ITGA11: variants seen among roughly 807,000 people sequenced by gnomAD.
The protein encoded by ITGA11 is integrin alpha-11.
In ITGA11, 97 loss-of-function variants were observed where a neutral mutation model predicts 141.9. That is an observed-to-expected ratio of 0.68 (90% CI 0.58 to 0.81). The LOEUF (loss-of-function observed/expected upper bound fraction) is 0.81, where lower values mean the gene tolerates loss of function less well. ITGA11 is among the 30% of genes least tolerant of loss of function. The pLI, the probability that ITGA11 is intolerant of heterozygous loss-of-function variation, is 0.00. For missense variants in ITGA11, 1,387 were observed against 1,559.2 expected, an observed-to-expected ratio of 0.89 and a Z score of 1.86; for synonymous variants, 658 against 624.6, an observed-to-expected ratio of 1.05 and a Z score of -0.80.
intron 1 of ITGA11, among the ~76,000 whole-genome samples, chr15:68,406,239 C>T (rs1896649127): frequency 6.6e-6 from 1 of 152,156 alleles, no homozygotes; most frequent in South Asian, 2.1e-4. Flanking sequence ...CCCCTCAGCT[C>T]CATCCCCTGT....
intron 24 of ITGA11, among the ~76,000 whole-genome samples, chr15:68,311,732 AG>A (rs1451055755): frequency 6.6e-6 from 1 of 152,220 alleles, no homozygotes; most frequent in African/African-American, 2.4e-5. Context: ...TGTTGAGGCC[AG>A]GGGTGAAGAT....
chr15:68,369,930 G>C (rs1230167436), intron 2 of ITGA11, among the ~76,000 whole-genome samples: 1 of 152,232 alleles, frequency 6.6e-6, no homozygotes, highest in Non-Finnish European at 1.5e-5. Flanking sequence ...GATTATCTGG[G>C]TGGACCCTAA....
rs75644302 is a variant in ITGA11, at chr15:68,380,627, G to A, written c.165-11343C>T. Among the ~76,000 whole-genome samples the A allele has an allele frequency of 2.3e-3, 356 of 152,288 alleles. 2 individuals carry two copies. Among genetic ancestry groups the A allele is most frequent in the African/African-American group, 8.3e-3 (344 of 41,554 alleles). ...CTGGAGGGGGCAACTCCTGGACAGA[G>A]GCTTGCATAATGAATAGGTGTCACT... On this transcript the variant is annotated intron_variant, in intron 2 of 29. Coordinates refer to ENST00000315757, the MANE Select transcript of ITGA11 (RefSeq NM_001004439.2).
At chr15:68,343,013 CTCTCTCTCTCTCTCT>C (rs1212285641) in intron 10 of ITGA11, among the ~76,000 whole-genome samples, 9 of 146,484 alleles carry the variant, frequency 6.1e-5, no homozygotes, top group Non-Finnish European at 1.4e-4. Flanking sequence ...CTCTCTCTCT[CTCTCTCTCTCTCTCT>C]CTCTCTCTCT....
At position 68,313,828 on chromosome 15, in the gene ITGA11, C is replaced by T; in HGVS notation, c.2833G>A (p.Ala945Thr). The T allele has an allele frequency of 6.2e-7, 1 of 1,613,978 alleles. No individual in the cohort carries two copies. The highest frequency in any genetic ancestry group is 8.5e-7 in the Non-Finnish European group (1 of 1,179,870). The change falls in exon 23 of 30, where the codon GCC becomes ACC. Residue 945 changes from alanine (A) to threonine (T), a missense_variant. Ala to Thr is a moderately conservative substitution (Grantham distance 58). Transcript: ENST00000315757. The stretch of plus-strand genomic sequence containing the variant: ...TATTTGAGGTGGAAGCGTAAGGGGG[C>T]CACGTTGTCTTCCTTGGTGCTGTCC... The part of the protein sequence containing the change: ...ERDSTKEDNV[A>T]PLRFHLKYEA...
intron 22 of ITGA11, among the ~76,000 whole-genome samples, chr15:68,314,721 G>C (rs932436051): frequency 3.9e-5 from 6 of 152,174 alleles, no homozygotes; most frequent in African/African-American, 1.2e-4. Flanking sequence ...AGCAAGGGAG[G>C]CCTTGCCAAG....
intron 2 of ITGA11, among the ~76,000 whole-genome samples, chr15:68,375,052 T>A (rs1448849673): frequency 6.6e-6 from 1 of 152,190 alleles, no homozygotes; most frequent in Non-Finnish European, 1.5e-5. Context: ...GTGCTCTTTT[T>A]TTCATTGTGA....
intron 10 of ITGA11, among the ~76,000 whole-genome samples, chr15:68,347,921 T>TACAC (rs59472483): frequency 2.6e-5 from 4 of 151,086 alleles, no homozygotes; most frequent in South Asian, 2.1e-4. Flanking sequence ...AGAACACACA[T>TACAC]ACACACACAC....
At chr15:68,374,505 G>A (rs1396970210) in intron 2 of ITGA11, among the ~76,000 whole-genome samples, 5 of 152,268 alleles carry the variant, frequency 3.3e-5, no homozygotes, top group Middle Eastern at 3.4e-3. Flanking sequence ...ACTAGTACAC[G>A]GTGTCCTGAC....
At chr15:68,409,227 C>T (rs1404382011) in intron 1 of ITGA11, among the ~76,000 whole-genome samples, 1 of 152,144 alleles carries the variant, frequency 6.6e-6, no homozygotes, top group Non-Finnish European at 1.5e-5. Flanking sequence ...GGGCCTTCAG[C>T]GTGGGCTGCT....
chr15:68,350,033 G>A (rs1343120082), intron 9 of ITGA11, among the ~76,000 whole-genome samples: 2 of 152,182 alleles, frequency 1.3e-5, no homozygotes, highest in Non-Finnish European at 1.5e-5. Flanking sequence ...ATGCTCCCAA[G>A]CTGTGAGAAC....
intron 1 of ITGA11, among the ~76,000 whole-genome samples, chr15:68,421,713 G>A (rs1897022029): frequency 7.3e-6 from 1 of 137,778 alleles, no homozygotes; most frequent in African/African-American, 2.6e-5. Flanking sequence ...GGTGGGGGGT[G>A]GGGGTGAGGG....
At chr15:68,317,544 G>C (rs1337147185) in intron 20 of ITGA11, among the ~76,000 whole-genome samples, 181 bp from the exon 21 acceptor site, 1 of 151,930 alleles carries the variant, frequency 6.6e-6, no homozygotes, top group East Asian at 1.9e-4. Context: ...CCAGAGGCCA[G>C]GGTGTGTCTT....
chr15:68,326,943 C>T lies in ITGA11; in HGVS notation c.2069-147G>A, dbSNP rs981173062. ...CCCCAGTGTGGGTGAGAAACTCCCA[C>T]ATGGAGAGCAAGTGATTGCATGAGG... On this transcript the variant is annotated intron_variant, in intron 16 of 29. Transcript: ENST00000315757. This position sits in a 1 kb window ranked among gnomAD's most constrained non-coding sequence, Gnocchi z 6.8. The T allele has an allele frequency of 2.5e-6, 2 of 800,856 alleles. No individual in the cohort carries two copies. The highest frequency in any genetic ancestry group is 3.8e-6 in the Non-Finnish European group (2 of 520,266). 49.6% of individuals were successfully genotyped at this position (800,856 alleles called of 1,614,324 possible). A position where few individuals can be genotyped will look rare whatever the true frequency, so the allele number is the denominator to read the frequency against.
At chr15:68,314,570 A>C (rs1476061975) in intron 22 of ITGA11, among the ~76,000 whole-genome samples, 1 of 152,230 alleles carries the variant, frequency 6.6e-6, no homozygotes, top group Non-Finnish European at 1.5e-5. Flanking sequence ...GACCCAACAC[A>C]CACAGATGTG....
At chr15:68,400,639 ATAT>A (rs1229475031) in intron 2 of ITGA11, among the ~76,000 whole-genome samples, 17 of 63,888 alleles carry the variant, frequency 2.7e-4, no homozygotes, top group African/African-American at 8.8e-4. Flanking sequence ...AAATATTATA[ATAT>A]TATATATTAT....
At chr15:68,360,172 G>A (rs1429947501) in intron 5 of ITGA11, among the ~76,000 whole-genome samples, 1 of 152,184 alleles carries the variant, frequency 6.6e-6, no homozygotes, top group Non-Finnish European at 1.5e-5. Context: ...GTCCTTTTCT[G>A]GTTTAGTTCG....
At chr15:68,420,771 A>G (rs968568131) in intron 1 of ITGA11, among the ~76,000 whole-genome samples, 5 of 152,246 alleles carry the variant, frequency 3.3e-5, no homozygotes, top group Non-Finnish European at 5.9e-5. Flanking sequence ...AAGTAAACTC[A>G]ACAGACAAAA....
chr15:68,391,176 C>T (rs1367288065), intron 2 of ITGA11, among the ~76,000 whole-genome samples: 1 of 152,122 alleles, frequency 6.6e-6, no homozygotes, highest in Non-Finnish European at 1.5e-5. Context: ...CCAGTGTGCT[C>T]CTGTCCATTC....
Sources: gnomAD v4.1 joint callset for allele counts (sites outside exome capture counted in the v4.1 genomes callset) on GRCh38, gnomAD v4.1.1 for gene constraint, Gnocchi (gnomAD v3.1) non-coding constraint, MANE v1.5 for transcripts, NCBI Gene and HGNC (gene_info 2026-07-23, HGNC 2026-07-21) for gene names.